The following TM9SF3 variants were observed in gnomAD, a reference collection of about 807,000 sequenced individuals.
The protein encoded by TM9SF3 is transmembrane 9 superfamily member 3, also known as SM-11044-binding protein.
In TM9SF3, 14 loss-of-function variants were observed where a neutral mutation model predicts 78.6. The observed-to-expected ratio is 0.18, with a 90% CI of 0.12 to 0.28. The LOEUF (loss-of-function observed/expected upper bound fraction) is 0.28. Ranked by LOEUF, TM9SF3 falls within the 10% of genes least tolerant of loss-of-function variation. The pLI, the probability that TM9SF3 is intolerant of heterozygous loss-of-function variation, is 1.00. For synonymous variants in TM9SF3, 231 were observed against 241.7 expected (o/e 0.96, Z 0.41); for missense variants, 496 against 721.9 (o/e 0.69, Z 3.59).
chr10:96,518,519 T>A lies in TM9SF3; in HGVS notation c.*3744A>T, dbSNP rs146838772. ...TGCTGCAGTTATCAATTAGCAAGCC[T>A]AGTTCACCAATACTTCAAAATAAAC... On this transcript the variant is annotated 3_prime_UTR_variant, in exon 15 of 15. Transcript: ENST00000371142. 3.3e-4 allele frequency: 51 copies of A among 152,322 alleles called. No homozygotes were observed. The highest frequency in any genetic ancestry group is 1.2e-3 in the African/African-American group (49 of 41,588). The allele number at this position is 152,322 out of a possible 1,614,324, so 9.4% of individuals were successfully genotyped here.
chr10:96,580,158 C>T (rs1264533788), intron 1 of TM9SF3, among the ~76,000 whole-genome samples: 2 of 152,200 alleles, frequency 1.3e-5, no homozygotes, highest in African/African-American at 2.4e-5. Flanking sequence ...CATTCTTCAC[C>T]TACTTATTTT....
chr10:96,549,521 A>G (rs1166852731), intron 7 of TM9SF3, among the ~76,000 whole-genome samples: 1 of 152,186 alleles, frequency 6.6e-6, no homozygotes, highest in African/African-American at 2.4e-5. Context: ...GAATGGAAAT[A>G]GAATATTTCC....
chr10:96,529,952 C>A (rs1847878427), intron 11 of TM9SF3, among the ~76,000 whole-genome samples: 1 of 152,144 alleles, frequency 6.6e-6, no homozygotes, highest in South Asian at 2.1e-4. Flanking sequence ...CCAGAGTATT[C>A]CCATCAGGGG....
rs1158648886 is a variant in TM9SF3, at chr10:96,586,883, G to A, written c.-48C>T. ...AGCCGGCTCACCGACTCCTCCTCCC[G>A]CCGCCGCCTCCTCCGCCGCCGCCGC... On this transcript the variant is annotated 5_prime_UTR_variant, in exon 1 of 15. Coordinates refer to ENST00000371142, the MANE Select transcript of TM9SF3 (RefSeq NM_020123.4). The A allele has an allele frequency of 3.1e-6, 3 of 974,764 alleles. No individual in the cohort carries two copies. Among genetic ancestry groups the A allele is most frequent in the Admixed American group, 5.3e-5 (1 of 18,728 alleles). The allele number at this position is 974,764 out of a possible 1,614,324, so 60.4% of individuals were successfully genotyped here. A position where few individuals can be genotyped will look rare whatever the true frequency, so the allele number is the denominator to read the frequency against.
chr10:96,559,629 T>A, intron 5 of TM9SF3, 30 bp downstream of exon 5: 7 of 1,487,352 alleles, frequency 4.7e-6, no homozygotes, highest in Non-Finnish European at 6.4e-6. Context: ...GTGCACATAA[T>A]CAATGTCTTA....
intron 1 of TM9SF3, among the ~76,000 whole-genome samples, chr10:96,578,125 G>A (rs1055832879): frequency 5.3e-5 from 8 of 151,896 alleles, no homozygotes; most frequent in Non-Finnish European, 8.8e-5. Flanking sequence ...TTTTTCTTTT[G>A]ATTCACACGA....
At chr10:96,548,045 A>G (rs776277396) in intron 7 of TM9SF3, 56 bp from the exon 8 acceptor site, 1 of 1,132,422 alleles carries the variant, frequency 8.8e-7, no homozygotes, top group Admixed American at 2.2e-5. Flanking sequence ...AGAAAACATC[A>G]TAGTCTATTA....
chr10:96,550,949 T>A (rs1848162550), intron 7 of TM9SF3, among the ~76,000 whole-genome samples: 1 of 152,228 alleles, frequency 6.6e-6, no homozygotes, highest in African/African-American at 2.4e-5. Context: ...AAAAGGCTAT[T>A]TACTTTGTCA....
intron 4 of TM9SF3, chr10:96,561,043 T>C (rs1848301836): frequency 3.0e-6 from 1 of 333,476 alleles, no homozygotes; most frequent in Non-Finnish European, 5.7e-6. Context: ...TCTATTTTAA[T>C]CTCAATCTCC....
chr10:96,579,901 A>G (rs374703228), intron 1 of TM9SF3, among the ~76,000 whole-genome samples: 6 of 152,208 alleles, frequency 3.9e-5, no homozygotes, highest in African/African-American at 9.7e-5. Flanking sequence ...AAAAATACCA[A>G]AAGACTTCAC....
intron 2 of TM9SF3, among the ~76,000 whole-genome samples, chr10:96,570,571 T>C (rs1474109304): frequency 2.6e-5 from 4 of 152,252 alleles, no homozygotes; most frequent in African/African-American, 7.2e-5. Context: ...TAAAACACTT[T>C]GGTTGAAACC....
chr10:96,563,376 AT>A (rs771044910), intron 3 of TM9SF3, among the ~76,000 whole-genome samples: 94 of 145,576 alleles, frequency 6.5e-4, no homozygotes, highest in Middle Eastern at 3.6e-3. Flanking sequence ...CTAATAATTA[AT>A]TTTTTTTTTT....
rs572683917 is a variant in TM9SF3 at position 96,574,930 on chromosome 10, G to C, written c.298+1704C>G. Among the ~76,000 whole-genome samples, 241 of 152,222 alleles carry C rather than the reference G, an allele frequency of 1.6e-3. 3 individuals carry two copies. The South Asian group carries it at 0.021, about 13-fold the overall frequency. ...ACACACCCGGCCCTGTCAGGGGGTG[G>C]GGGGCTAGGGAAGGGATAGCATTAG... On this transcript the variant is annotated intron_variant, in intron 2 of 14. Coordinates refer to ENST00000371142, the MANE Select transcript of TM9SF3 (RefSeq NM_020123.4).
At chr10:96,530,408 C>T in intron 11 of TM9SF3, 132 bp downstream of exon 11, 1 of 701,248 alleles carries the variant, frequency 1.4e-6, no homozygotes, top group Non-Finnish European at 2.4e-6. Context: ...ATAGCCTATT[C>T]CCTTTCTGGA....
At chr10:96,546,884 A>G (rs1848106784) in intron 8 of TM9SF3, among the ~76,000 whole-genome samples, 2 of 152,230 alleles carry the variant, frequency 1.3e-5, no homozygotes, top group African/African-American at 4.8e-5. Flanking sequence ...CATCCTTGGA[A>G]ATATAATTTT....
intron 1 of TM9SF3, among the ~76,000 whole-genome samples, chr10:96,581,264 G>A (rs1780635487): frequency 6.6e-6 from 1 of 151,306 alleles, no homozygotes; most frequent in South Asian, 2.1e-4. Context: ...ATTATCAGGA[G>A]AAACGCTTTA....
chr10:96,562,724 A>C (rs1179926037), intron 3 of TM9SF3, among the ~76,000 whole-genome samples: 1 of 152,212 alleles, frequency 6.6e-6, no homozygotes, highest in African/African-American at 2.4e-5. Flanking sequence ...AATGGTAATA[A>C]GGATACAGTT....
chr10:96,559,612 C>T (rs1321778880), intron 5 of TM9SF3, 47 bp downstream of exon 5: 39 of 1,355,478 alleles, frequency 2.9e-5, no homozygotes, highest in Non-Finnish European at 3.8e-5. Flanking sequence ...GTTTGTTGAA[C>T]GAATTGGTGC....
intron 1 of TM9SF3, among the ~76,000 whole-genome samples, chr10:96,579,383 CTT>C (rs1408435662): frequency 6.6e-6 from 1 of 152,146 alleles, no homozygotes; most frequent in African/African-American, 2.4e-5. Context: ...CACAAAAATA[CTT>C]TTTCTATAAA....
Sources: gnomAD v4.1 joint callset for allele counts (sites outside exome capture counted in the v4.1 genomes callset) on GRCh38, gnomAD v4.1.1 for gene constraint, MANE v1.5 for transcripts, NCBI Gene and HGNC (gene_info 2026-07-23, HGNC 2026-07-21) for gene names.